The following MTHFD1L variants were observed in gnomAD, a reference collection of about 807,000 sequenced individuals.
The protein encoded by MTHFD1L is methylenetetrahydrofolate dehydrogenase (NADP+ dependent) 1 like.
A neutral mutation model predicts 119.5 loss-of-function variants in MTHFD1L; 81 were observed. The ratio of observed to expected loss-of-function variants is 0.68; its 90% CI spans 0.57 to 0.82. The LOEUF (loss-of-function observed/expected upper bound fraction) is 0.82. Among genes scored for constraint, MTHFD1L ranks in the 40% least tolerant of loss-of-function variants. MTHFD1L has a pLI of 0.00. For missense variants in MTHFD1L, 1,125 were observed against 1,253.4 expected, an observed-to-expected ratio of 0.90 and a Z score of 1.55; for synonymous variants, 430 against 475.2, an observed-to-expected ratio of 0.90 and a Z score of 1.24.
At chr6:150,893,127 C>G (rs1028128604) in intron 7 of MTHFD1L, among the ~76,000 whole-genome samples, 5 of 152,250 alleles carry the variant, frequency 3.3e-5, no homozygotes, top group Admixed American at 2.0e-4. Context: ...TGCAGTGGCG[C>G]GATCTCGGCT....
intron 26 of MTHFD1L, among the ~76,000 whole-genome samples, chr6:151,062,520 T>A (rs923521799): frequency 6.6e-6 from 1 of 152,158 alleles, no homozygotes; most frequent in Non-Finnish European, 1.5e-5. Context: ...CCACTAGGAA[T>A]AAAAAGATAA....
At chr6:151,021,228 C>A (rs950173069) in intron 24 of MTHFD1L, among the ~76,000 whole-genome samples, 1 of 152,104 alleles carries the variant, frequency 6.6e-6, no homozygotes, top group African/African-American at 2.4e-5. Flanking sequence ...TGAAATGCCC[C>A]AGAGTAAAAT....
intron 8 of MTHFD1L, among the ~76,000 whole-genome samples, chr6:150,915,466 A>G (rs2128877837): frequency 6.6e-6 from 1 of 152,368 alleles, no homozygotes; most frequent in Non-Finnish European, 1.5e-5. Flanking sequence ...TGACTGAACT[A>G]TACCAGGACT....
At chr6:151,063,161 T>G (rs775489669) in intron 26 of MTHFD1L, among the ~76,000 whole-genome samples, 7 of 152,224 alleles carry the variant, frequency 4.6e-5, no homozygotes, top group Non-Finnish European at 8.8e-5. Context: ...TTTTTAGGAC[T>G]AGATTGGATA....
intron 8 of MTHFD1L, among the ~76,000 whole-genome samples, chr6:150,916,360 G>A (rs1261083058): frequency 7.4e-6 from 1 of 135,586 alleles, no homozygotes; most frequent in Non-Finnish European, 1.5e-5. Flanking sequence ...TGGAGTGAGT[G>A]GTGTGATCTC....
chr6:150,947,052 G>A (rs1794077725), intron 15 of MTHFD1L, among the ~76,000 whole-genome samples: 1 of 147,836 alleles, frequency 6.8e-6, no homozygotes, highest in Non-Finnish European at 1.5e-5. Context: ...TCCAGCCTGG[G>A]CAACAGAGCA....
At chr6:151,079,641 C>T (rs1792928059) in intron 26 of MTHFD1L, among the ~76,000 whole-genome samples, 1 of 151,734 alleles carries the variant, frequency 6.6e-6, no homozygotes, top group South Asian at 2.1e-4. Flanking sequence ...AGGCATGCAC[C>T]ACCACGCCCA....
At chr6:151,099,858 C>G in intron 27 of MTHFD1L, 1 of 1,591,348 alleles carries the variant, frequency 6.3e-7, no homozygotes, top group South Asian at 1.1e-5. Flanking sequence ...GCAAAGCCAT[C>G]GTGGAAAGAG....
At chr6:151,004,457 A>G (rs1308281729) in intron 20 of MTHFD1L, among the ~76,000 whole-genome samples, 1 of 152,194 alleles carries the variant, frequency 6.6e-6, no homozygotes, top group African/African-American at 2.4e-5. Flanking sequence ...CATGGATACT[A>G]CATTTGCCTG....
At chr6:150,905,381 G>A (rs889494234) in intron 7 of MTHFD1L, among the ~76,000 whole-genome samples, 8 of 152,072 alleles carry the variant, frequency 5.3e-5, no homozygotes, top group African/African-American at 1.9e-4. Flanking sequence ...ACATGTAAAT[G>A]ATAATACTCC....
At chr6:150,955,437 T>C (rs1795480267) in intron 16 of MTHFD1L, among the ~76,000 whole-genome samples, 1 of 151,998 alleles carries the variant, frequency 6.6e-6, no homozygotes, top group South Asian at 2.1e-4. Flanking sequence ...TGTACAGATA[T>C]CTGAGTGTCT....
chr6:150,965,676 G>A (rs1225018288), intron 19 of MTHFD1L, among the ~76,000 whole-genome samples: 3 of 114,114 alleles, frequency 2.6e-5, no homozygotes, highest in Non-Finnish European at 6.4e-5. Context: ...AAAAAAAAGA[G>A]AAAGTCAATG....
intron 7 of MTHFD1L, among the ~76,000 whole-genome samples, chr6:150,892,965 G>C (rs531442328): frequency 6.6e-6 from 1 of 152,134 alleles, no homozygotes; most frequent in Non-Finnish European, 1.5e-5. Flanking sequence ...CTAGGCATGG[G>C]TTAGTGTCCT....
chr6:150,891,636 A>G (rs904067057), intron 7 of MTHFD1L, among the ~76,000 whole-genome samples: 4 of 151,490 alleles, frequency 2.6e-5, no homozygotes, highest in African/African-American at 9.7e-5. Flanking sequence ...TACGAACCAA[A>G]TCCGAAAAGC....
chr6:150,889,101 C>T (rs968438791), intron 7 of MTHFD1L, among the ~76,000 whole-genome samples: 24 of 151,726 alleles, frequency 1.6e-4, no homozygotes, highest in African/African-American at 5.3e-4. Context: ...CGCTTGAACC[C>T]GGGAGGCAGG....
At chr6:151,095,170 A>G (rs1794799019) in intron 27 of MTHFD1L, among the ~76,000 whole-genome samples, 1 of 152,234 alleles carries the variant, frequency 6.6e-6, no homozygotes, top group African/African-American at 2.4e-5. Flanking sequence ...ATAAAACTCT[A>G]GAAAATGAAG....
At chr6:151,067,539 G>T (rs1310760475) in intron 26 of MTHFD1L, among the ~76,000 whole-genome samples, 1 of 152,158 alleles carries the variant, frequency 6.6e-6, no homozygotes, top group Non-Finnish European at 1.5e-5. Flanking sequence ...GGCCAGGCTG[G>T]TCTCGAACTC....
chr6:150,989,954 T>C (rs912757173), intron 20 of MTHFD1L, among the ~76,000 whole-genome samples: 1 of 152,232 alleles, frequency 6.6e-6, no homozygotes, highest in Non-Finnish European at 1.5e-5. Flanking sequence ...GTCTAGATTC[T>C]GCAAGAATGA....
rs774695918 is a variant in MTHFD1L, at chr6:150,903,203, ATT to A, written c.781-2416_781-2415del. Among the ~76,000 whole-genome samples the A allele has an allele frequency of 1.3e-3, 111 of 85,472 alleles. 10 individuals are homozygous for A. The highest frequency in any genetic ancestry group is 6.0e-3 in the East Asian group (17 of 2,828). 56.1% of individuals were successfully genotyped at this position (85,472 alleles called of 152,430 possible). ...GATTGCTGGTGATATTGGCTGCAAA[ATT>A]TTTTTTTTTTTTTTTTTTTTTTTTT... is the stretch of plus-strand genomic sequence containing the variant. On this transcript the variant is annotated intron_variant, in intron 7 of 27. Coordinates refer to ENST00000367321, the MANE Select transcript of MTHFD1L (RefSeq NM_015440.5).
Sources: allele counts gnomAD v4.1 joint callset (sites outside exome capture counted in the v4.1 genomes callset), GRCh38; gene constraint gnomAD v4.1.1; transcripts MANE v1.5; gene names NCBI Gene and HGNC (gene_info 2026-07-23, HGNC 2026-07-21).